The following DEGS1 variants were observed in gnomAD, a reference collection of about 807,000 sequenced individuals.
The protein encoded by DEGS1 is sphingolipid delta(4)-desaturase DES1.
A neutral mutation model predicts 24.1 loss-of-function variants in DEGS1; 17 were observed. The observed-to-expected ratio is 0.70, with a 90% CI of 0.48 to 1.06. The LOEUF (loss-of-function observed/expected upper bound fraction) is 1.06. Among genes scored for constraint, DEGS1 ranks in the 50% least tolerant of loss-of-function variants. The pLI is 0.00. For missense variants in DEGS1, 366 were observed against 408.9 expected, an observed-to-expected ratio of 0.90 and a Z score of 0.91; for synonymous variants, 134 against 140.0, an observed-to-expected ratio of 0.96 and a Z score of 0.30.
At chr1:224,190,462 A>G in intron 2 of DEGS1, 143 bp downstream of exon 2, 3 of 636,190 alleles carry the variant, frequency 4.7e-6, no homozygotes, top group Non-Finnish European at 7.3e-6. Context: ...GGTTCAAACG[A>G]TTCTCATGCC....
chr1:224,183,523 TAGC>T (rs372836597), intron 1 of DEGS1, 105 bp downstream of exon 1: 26,962 of 861,828 alleles, frequency 0.031, 540 homozygotes, highest in Non-Finnish European at 0.036. Flanking sequence ...GGAGGCCCGT[TAGC>T]AGCCTGCTCC....
intron 1 of DEGS1, among the ~76,000 whole-genome samples, chr1:224,184,465 TTTTGTTTG>T (rs138275856): frequency 6.6e-5 from 10 of 151,150 alleles, no homozygotes; most frequent in African/African-American, 1.9e-4. Flanking sequence ...CGTGTTTGTT[TTTTGTTTG>T]TTTGTTTTTT....
intron 2 of DEGS1, 111 bp downstream of exon 2, chr1:224,190,430 T>C: frequency 1.0e-6 from 1 of 960,520 alleles, no homozygotes; most frequent in Non-Finnish European, 1.4e-6. Context: ...CGATCTCGGC[T>C]CACTGTAACC....
rs1658575798 is a variant in DEGS1 at position 224,192,721 on chromosome 1, T to C, written c.*243T>C. ...ATCGTCATTGAGGATGTTTCACTCATGTCTGTCATTTTATAAGCATATCAT... is the reference window on the plus strand; with the variant it reads ...ATCGTCATTGAGGATGTTTCACTCACGTCTGTCATTTTATAAGCATATCAT... On this transcript the variant is annotated 3_prime_UTR_variant, in exon 3 of 3. Transcript: ENST00000323699. The C allele has an allele frequency of 9.2e-6, 4 of 435,912 alleles. No homozygotes were observed. The highest frequency in any genetic ancestry group is 1.6e-5 in the Non-Finnish European group (4 of 248,834). The allele number at this position is 435,912 out of a possible 1,614,324, so 27.0% of individuals were successfully genotyped here.
intron 1 of DEGS1, among the ~76,000 whole-genome samples, chr1:224,184,970 TACACACACAC>T (rs58790626): frequency 0.44 from 64,784 of 148,576 alleles, 14,796 homozygotes; most frequent in South Asian, 0.52. Flanking sequence ...GCCCCCCGTT[TACACACACAC>T]ACACACACAC....
chr1:224,183,301 G>A lies in DEGS1; in HGVS notation c.-36G>A, dbSNP rs1658281634. 4 of 1,466,288 alleles carry A rather than the reference G, an allele frequency of 2.7e-6. No homozygotes were observed. The highest frequency in any genetic ancestry group is 1.5e-5 in the African/African-American group (1 of 67,862). 90.8% of individuals were successfully genotyped at this position (1,466,288 alleles called of 1,614,324 possible). The stretch of plus-strand genomic sequence containing the variant: ...CCTCTGAGCAGCCGGCTGGGAGCGA[G>A]AGCCGACAGCTAGTCTGCAAGCCAC... On this transcript the variant is annotated 5_prime_UTR_variant, in exon 1 of 3. Coordinates refer to ENST00000323699, the MANE Select transcript of DEGS1 (RefSeq NM_003676.4).
intron 1 of DEGS1, 118 bp downstream of exon 1, chr1:224,183,536 C>T (rs995181020): frequency 2.0e-4 from 136 of 684,886 alleles, no homozygotes; most frequent in Non-Finnish European, 2.5e-4. Flanking sequence ...CAGCCTGCTC[C>T]CCGTCGCGTC....
At chr1:224,188,505 A>T (rs779040175) in intron 1 of DEGS1, among the ~76,000 whole-genome samples, 2 of 152,074 alleles carry the variant, frequency 1.3e-5, no homozygotes, top group Non-Finnish European at 2.9e-5. Flanking sequence ...ATTTCTCCAC[A>T]TCCTTGTTTT....
At chr1:224,188,322 T>C (rs970576466) in intron 1 of DEGS1, among the ~76,000 whole-genome samples, 4 of 152,172 alleles carry the variant, frequency 2.6e-5, no homozygotes, top group African/African-American at 7.2e-5. Flanking sequence ...TAAAATAATA[T>C]TTTAAGGTTC....
intron 1 of DEGS1, among the ~76,000 whole-genome samples, chr1:224,184,246 C>G (rs1486976392): frequency 6.6e-6 from 1 of 152,166 alleles, no homozygotes; most frequent in Non-Finnish European, 1.5e-5. Context: ...GGATTCGGGC[C>G]TTCTGTGTTA....
chr1:224,187,235 G>C (rs1658417171), intron 1 of DEGS1, among the ~76,000 whole-genome samples: 1 of 152,050 alleles, frequency 6.6e-6, no homozygotes, highest in Non-Finnish European at 1.5e-5. Context: ...TTGAACCCAG[G>C]AGGCAGAGGG....
rs1164164849 is a variant in DEGS1, at chr1:224,191,623, GTCTC to G, written c.826-702_826-699del. ...TTTTTTTTTTTTTTTTTGAGATGGA[GTCTC>G]TCTCTCACCCAGGCTGGAGTGCAGT... On this transcript the variant is annotated intron_variant, in intron 2 of 2. Transcript: ENST00000323699. Among the ~76,000 whole-genome samples the G allele has an allele frequency of 1.8e-4, 18 of 102,754 alleles. No homozygotes were observed. In the Admixed American group the frequency reaches 2.4e-3, roughly 14 times the overall value. 67.4% of individuals were successfully genotyped at this position (102,754 alleles called of 152,430 possible). A position where few individuals can be genotyped will look rare whatever the true frequency, so the allele number is the denominator to read the frequency against.
At chr1:224,183,605 G>C (rs947439734) in intron 1 of DEGS1, 187 bp downstream of exon 1, 16 of 380,188 alleles carry the variant, frequency 4.2e-5, no homozygotes, top group South Asian at 1.4e-4. Flanking sequence ...GGCGAGGAGC[G>C]GGGGGAGGGA....
At chr1:224,184,141 A>G (rs1658314162) in intron 1 of DEGS1, among the ~76,000 whole-genome samples, 2 of 152,218 alleles carry the variant, frequency 1.3e-5, no homozygotes, top group African/African-American at 2.4e-5. Flanking sequence ...TTGTGGATGA[A>G]AAGACTGAAA....
intron 1 of DEGS1, among the ~76,000 whole-genome samples, chr1:224,188,100 CATA>C (rs1658442109): frequency 6.6e-6 from 1 of 151,768 alleles, no homozygotes; most frequent in Non-Finnish European, 1.5e-5. Flanking sequence ...CAGCCATTAG[CATA>C]ATATTTTAGC....
At chr1:224,186,596 C>T (rs1011440886) in intron 1 of DEGS1, among the ~76,000 whole-genome samples, 3 of 151,818 alleles carry the variant, frequency 2.0e-5, no homozygotes, top group Non-Finnish European at 4.4e-5. Context: ...ACCTGTAGTC[C>T]CAACTACTCA....
chr1:224,183,666 G>A (rs1036013605), intron 1 of DEGS1: 31 of 312,834 alleles, frequency 9.9e-5, no homozygotes, highest in Non-Finnish European at 1.4e-4. Flanking sequence ...AGGCGCAGGC[G>A]CGTCCCCGAG....
intron 2 of DEGS1, among the ~76,000 whole-genome samples, chr1:224,191,681 G>A (rs919347217): frequency 1.6e-5 from 2 of 121,276 alleles, no homozygotes; most frequent in African/African-American, 6.3e-5. Context: ...TGCAACCTCC[G>A]CCTCCCGAGT....
intron 1 of DEGS1, among the ~76,000 whole-genome samples, chr1:224,184,392 TAAG>T (rs1658319477): frequency 1.3e-5 from 2 of 152,190 alleles, no homozygotes; most frequent in South Asian, 2.1e-4. Flanking sequence ...AAAAATGAAA[TAAG>T]AACGCGTGAC....
Sources: gnomAD v4.1 joint callset for allele counts (sites outside exome capture counted in the v4.1 genomes callset) on GRCh38, gnomAD v4.1.1 for gene constraint, MANE v1.5 for transcripts, NCBI Gene and HGNC (gene_info 2026-07-23, HGNC 2026-07-21) for gene names.